Variants in DYM observed in about 807,000 individuals in gnomAD.
The protein encoded by DYM is dymeclin.
Under a neutral mutation model 93.1 loss-of-function variants are expected in DYM, and 78 were observed. The observed-to-expected ratio is 0.84, with a 90% CI of 0.70 to 1.01. DYM has a LOEUF of 1.01. DYM is among the 50% of genes least tolerant of loss of function. The pLI is 0.00. For missense variants in DYM, 789 were observed against 845.0 expected (o/e 0.93, Z 0.82); for synonymous variants, 321 against 319.7 (o/e 1.00, Z -0.04).
intron 15 of DYM, among the ~76,000 whole-genome samples, chr18:49,119,372 T>A (rs2145995413): frequency 6.6e-6 from 1 of 152,350 alleles, no homozygotes; most frequent in East Asian, 1.9e-4. Context: ...AGTCTTTATA[T>A]TTCAGATAAA....
At chr18:49,082,488 T>C (rs943882077) in intron 17 of DYM, among the ~76,000 whole-genome samples, 2 of 152,224 alleles carry the variant, frequency 1.3e-5, no homozygotes, top group African/African-American at 4.8e-5. Flanking sequence ...ATTTAACAAG[T>C]AGCTATTCTG....
intron 17 of DYM, among the ~76,000 whole-genome samples, chr18:49,055,078 G>C (rs1441752311): frequency 6.6e-6 from 1 of 152,168 alleles, no homozygotes; most frequent in Non-Finnish European, 1.5e-5. Context: ...TCTGGGGGCT[G>C]GTGGGAAGGT....
At chr18:49,192,841 T>C (rs888324282) in intron 14 of DYM, among the ~76,000 whole-genome samples, 2 of 152,100 alleles carry the variant, frequency 1.3e-5, no homozygotes, top group African/African-American at 4.8e-5. Context: ...GGAGATTGCA[T>C]TGAAAAACGA....
At position 49,331,966 on chromosome 18, in the gene DYM, T is replaced by C; in HGVS notation, c.661A>G (p.Asn221Asp). The C allele has an allele frequency of 6.2e-7, 1 of 1,614,038 alleles. No homozygotes were observed. Among genetic ancestry groups the C allele is most frequent in the Non-Finnish European group, 8.5e-7 (1 of 1,179,968 alleles). The change falls in exon 8 of 18, where the codon AAC becomes GAC. Residue 221 changes from asparagine (N) to aspartate (D), a missense_variant. Transcript: ENST00000675505. ...TSKLVKTLLYNFIRQEKPPPP... is the reference protein window; with the variant it reads ...TSKLVKTLLYDFIRQEKPPPP... Reference sequence around the variant, plus strand: ...GGTGGCTTTTCTTGTCTGATAAAGTTATATAATAAGGTCTTCACAAGTTTG... The same window carrying C: ...GGTGGCTTTTCTTGTCTGATAAAGTCATATAATAAGGTCTTCACAAGTTTG...
At chr18:49,287,096 A>G (rs2059715992) in intron 8 of DYM, among the ~76,000 whole-genome samples, 1 of 152,022 alleles carries the variant, frequency 6.6e-6, no homozygotes, top group South Asian at 2.1e-4. Flanking sequence ...CTGAGGCAAA[A>G]GAATAGCTTG....
intron 15 of DYM, among the ~76,000 whole-genome samples, chr18:49,139,476 AAAATATCCATTT>A (rs1484582272): frequency 6.6e-6 from 1 of 152,196 alleles, no homozygotes; most frequent in Non-Finnish European, 1.5e-5. Flanking sequence ...CTAAACTGTG[AAAATATCCATTT>A]TTAAAACTAC....
intron 8 of DYM, among the ~76,000 whole-genome samples, chr18:49,306,696 C>A (rs1162524803): frequency 6.6e-6 from 1 of 152,132 alleles, no homozygotes; most frequent in South Asian, 2.1e-4. Flanking sequence ...TCTAACTTCT[C>A]GATTCATAAG....
chr18:49,432,696 C>A (rs1390492004), intron 1 of DYM, among the ~76,000 whole-genome samples: 1 of 148,482 alleles, frequency 6.7e-6, no homozygotes, highest in Non-Finnish European at 1.5e-5. Flanking sequence ...ATTGTAACCT[C>A]AAACTCCTGG....
chr18:49,227,668 A>G (rs1364808930), intron 13 of DYM, among the ~76,000 whole-genome samples: 3 of 152,256 alleles, frequency 2.0e-5, no homozygotes, highest in African/African-American at 7.2e-5. Context: ...GAATGTAGTC[A>G]TCAGAAATTG....
Position 49,170,985 on chromosome 18 carries a change from A to G in DYM, c.1626-7198T>C, listed in dbSNP as rs191050828. ...TCAAATAGTAAAGTAGGATTTACCAAAAACAAACGTACAAACAAAAACAAA... is the reference window on the plus strand; with the variant it reads ...TCAAATAGTAAAGTAGGATTTACCAGAAACAAACGTACAAACAAAAACAAA... On this transcript the variant is annotated intron_variant, in intron 14 of 17. Transcript: ENST00000675505. 2.8e-3 allele frequency among the ~76,000 whole-genome samples: 431 copies of G among 152,154 alleles called. 1 individual carries two copies. Among genetic ancestry groups the G allele is most frequent in the South Asian group, 0.014 (65 of 4,814 alleles).
chr18:49,364,661 A>C (rs1381042418), intron 5 of DYM, among the ~76,000 whole-genome samples: 2 of 152,166 alleles, frequency 1.3e-5, no homozygotes, highest in Non-Finnish European at 2.9e-5. Flanking sequence ...TCCATGCTCC[A>C]AAGTACAGCA....
intron 14 of DYM, among the ~76,000 whole-genome samples, chr18:49,185,457 G>A (rs1179171274): frequency 1.3e-5 from 2 of 152,200 alleles, no homozygotes. Context: ...GGTAGAAGTT[G>A]TAATGTGAGC....
chr18:49,448,979 T>C (rs1352991968), intron 1 of DYM, among the ~76,000 whole-genome samples: 2 of 152,086 alleles, frequency 1.3e-5, no homozygotes, highest in African/African-American at 4.8e-5. Flanking sequence ...AGCTATTGGG[T>C]GTCCCAGCCC....
intron 15 of DYM, among the ~76,000 whole-genome samples, chr18:49,129,812 G>A (rs534830704): frequency 2.6e-5 from 4 of 152,156 alleles, no homozygotes; most frequent in East Asian, 3.9e-4. Flanking sequence ...AGAAAAAGCC[G>A]TAAGCTACAG....
At chr18:49,211,150 A>G (rs1193387117) in intron 13 of DYM, among the ~76,000 whole-genome samples, 1 of 152,188 alleles carries the variant, frequency 6.6e-6, no homozygotes, top group African/African-American at 2.4e-5. Flanking sequence ...AATCCTGCTC[A>G]CCCATTGGCA....
intron 13 of DYM, among the ~76,000 whole-genome samples, chr18:49,216,664 CAA>C (rs1185603102): frequency 6.6e-6 from 1 of 152,190 alleles, no homozygotes; most frequent in African/African-American, 2.4e-5. Context: ...GGACCTCTAG[CAA>C]ACTCCAACAG....
chr18:49,451,535 G>A (rs1238473962), intron 1 of DYM, among the ~76,000 whole-genome samples: 1 of 152,160 alleles, frequency 6.6e-6, no homozygotes, highest in African/African-American at 2.4e-5. Flanking sequence ...AAGAGAAAAG[G>A]ATCACCCAAC....
chr18:49,400,940 C>G (rs2070741833), intron 2 of DYM, among the ~76,000 whole-genome samples: 1 of 152,066 alleles, frequency 6.6e-6, no homozygotes, highest in Admixed American at 6.6e-5. Context: ...ACTAACAAAC[C>G]ATCATTTGCA....
intron 6 of DYM, among the ~76,000 whole-genome samples, chr18:49,343,156 C>T (rs114604965): frequency 0.011 from 1,662 of 152,272 alleles, 29 homozygotes; most frequent in African/African-American, 0.038. Flanking sequence ...CAAAAATATT[C>T]AGACAAGGAT....
Sources: gnomAD v4.1 joint callset for allele counts (sites outside exome capture counted in the v4.1 genomes callset) on GRCh38, gnomAD v4.1.1 for gene constraint, MANE v1.5 for transcripts, NCBI Gene and HGNC (gene_info 2026-07-23, HGNC 2026-07-21) for gene names.